The following TNFRSF1B variants were observed in gnomAD, a reference collection of about 807,000 sequenced individuals.
TNFRSF1B encodes the protein tumor necrosis factor receptor superfamily member 1B.
TNFRSF1B carries 19 observed loss-of-function variants against 44.6 expected under a neutral mutation model. That is an observed-to-expected ratio of 0.43 (90% confidence interval 0.30 to 0.62). The LOEUF is 0.62. TNFRSF1B is among the 20% of genes least tolerant of loss of function. The pLI, the probability that TNFRSF1B is intolerant of heterozygous loss-of-function variation, is 0.16. For synonymous variants in TNFRSF1B, 252 were observed against 261.1 expected (o/e 0.97, Z 0.34); for missense variants, 541 against 619.9 (o/e 0.87, Z 1.35).
At chr1:12,175,575 A>G (rs1638637159) in intron 1 of TNFRSF1B, among the ~76,000 whole-genome samples, 1 of 152,006 alleles carries the variant, frequency 6.6e-6, no homozygotes, top group Middle Eastern at 3.2e-3. Flanking sequence ...CAGAGGCCCC[A>G]GGCTCCTGTG....
chr1:12,188,447 G>A (rs1328164883), intron 1 of TNFRSF1B, among the ~76,000 whole-genome samples: 1 of 152,124 alleles, frequency 6.6e-6, no homozygotes, highest in Non-Finnish European at 1.5e-5. Context: ...CTCAGCAGAG[G>A]GCAGCTTTGT....
At position 12,186,365 on chromosome 1, in the gene TNFRSF1B, G is replaced by A. The variant is rs994563768; in HGVS notation, c.79-2431G>A. Among the ~76,000 whole-genome samples the A allele has an allele frequency of 1.3e-5, 2 of 152,244 alleles. No individual in the cohort carries two copies. Among genetic ancestry groups the A allele is most frequent in the African/African-American group, 2.4e-5 (1 of 41,466 alleles). On this transcript the variant is annotated intron_variant, in intron 1 of 9. Coordinates refer to ENST00000376259, the MANE Select transcript of TNFRSF1B (RefSeq NM_001066.3). The surrounding 1 kb of genome is among the most constrained non-coding windows in gnomAD (Gnocchi z 4.8). ...GAGGCACACTGAACCCACCTGCTAC[G>A]TTGGCTGGTGGAAATTTGGCCAGGT...
chr1:12,206,676 A>AG, intron 9 of TNFRSF1B, 64 bp from the exon 10 acceptor site: 8 of 1,476,670 alleles, frequency 5.4e-6, no homozygotes, highest in Non-Finnish European at 7.3e-6. Context: ...CATCTTGGGC[A>AG]GGGGTCCCTG....
At chr1:12,176,506 T>C (rs1354682898) in intron 1 of TNFRSF1B, among the ~76,000 whole-genome samples, 1 of 152,198 alleles carries the variant, frequency 6.6e-6, no homozygotes, top group African/African-American at 2.4e-5. Flanking sequence ...ATGAAAAGAC[T>C]GAGGTCTATG....
At chr1:12,175,131 G>A (rs867093453) in intron 1 of TNFRSF1B, among the ~76,000 whole-genome samples, 4 of 152,172 alleles carry the variant, frequency 2.6e-5, no homozygotes, top group African/African-American at 4.8e-5. Context: ...GACATCTTCC[G>A]AGCTGTCAGC....
chr1:12,167,545 G>A, intron 1 of TNFRSF1B: 1 of 381,126 alleles, frequency 2.6e-6, no homozygotes, highest in Non-Finnish European at 5.1e-6. Flanking sequence ...TGCCGCGACA[G>A]CCCTTCCCTC....
chr1:12,206,504 G>A (rs549478817), intron 9 of TNFRSF1B, among the ~76,000 whole-genome samples: 2 of 152,286 alleles, frequency 1.3e-5, no homozygotes, highest in East Asian at 3.9e-4. Context: ...CCATCTCTGG[G>A]GTGATTGGGG....
intron 1 of TNFRSF1B, among the ~76,000 whole-genome samples, chr1:12,174,342 G>T (rs2101079805): frequency 6.6e-6 from 1 of 152,002 alleles, no homozygotes; most frequent in Middle Eastern, 3.4e-3. Context: ...CTGCCTCCCA[G>T]GTTCAAGCTA....
rs536031398 is a variant in TNFRSF1B, at chr1:12,169,447, G to A, written c.78+2278G>A. On this transcript the variant is annotated intron_variant, in intron 1 of 9. Coordinates refer to ENST00000376259, the MANE Select transcript of TNFRSF1B (RefSeq NM_001066.3). The surrounding 1 kb of genome is among the most constrained non-coding windows in gnomAD (Gnocchi z 4.5). ...ATGTGGAAACTGAGGCGTTTCCCAG[G>A]ATCACAGAGCTGGGGGCCGGGGAGC... Among the ~76,000 whole-genome samples the A allele has an allele frequency of 1.6e-4, 25 of 152,296 alleles. No homozygotes were observed. The highest frequency in any genetic ancestry group is 6.5e-4 in the Admixed American group (10 of 15,306).
Position 12,171,619 on chromosome 1 carries a change from C to T in TNFRSF1B, c.78+4450C>T, listed in dbSNP as rs543123013. On this transcript the variant is annotated intron_variant, in intron 1 of 9. Transcript: ENST00000376259. This position sits in a 1 kb window ranked among gnomAD's most constrained non-coding sequence, Gnocchi z 4.5. ...TACCGTGAGGACAGGGACTCATTCA[C>T]CACTGTAGACTCTAGCCTAGAAGAG... Among the ~76,000 whole-genome samples the T allele has an allele frequency of 2.0e-5, 3 of 152,330 alleles. No individual in the cohort carries two copies. In the East Asian group the frequency reaches 5.8e-4, roughly 29 times the overall value.
In TNFRSF1B at chr1:12,206,011, G is replaced by T. The variant is rs576391410; in HGVS notation, c.1106-729G>T. The stretch of plus-strand genomic sequence containing the variant: ...GAGAAAGATGGGTCCGAGGCTCTGG[G>T]CCCAAGCAGCTGGGTGGATGGCAGC... On this transcript the variant is annotated intron_variant, in intron 9 of 9. Coordinates refer to ENST00000376259, the MANE Select transcript of TNFRSF1B (RefSeq NM_001066.3). 3.3e-5 allele frequency among the ~76,000 whole-genome samples: 5 copies of T among 152,262 alleles called. No individual in the cohort carries two copies. The South Asian group carries it at 1.0e-3, about 32-fold the overall frequency.
rs1263065698 is a variant in TNFRSF1B, at chr1:12,207,852, G to A, written c.*832G>A. 1.3e-5 allele frequency: 2 copies of A among 152,184 alleles called. No individual in the cohort carries two copies. The highest frequency in any genetic ancestry group is 2.9e-5 in the Non-Finnish European group (2 of 68,074). 9.4% of individuals were successfully genotyped at this position (152,184 alleles called of 1,614,324 possible). A position where few individuals can be genotyped will look rare whatever the true frequency, so the allele number is the denominator to read the frequency against. On this transcript the variant is annotated 3_prime_UTR_variant, in exon 10 of 10. Transcript: ENST00000376259. ...TTGAACCCGGGAAGCGGAGGTTGCA[G>A]GGAGCCGAGATCACGCCACTGCACT...
At chr1:12,189,776 G>A (rs986579952) in intron 2 of TNFRSF1B, among the ~76,000 whole-genome samples, 1 of 152,222 alleles carries the variant, frequency 6.6e-6, no homozygotes, top group Admixed American at 6.5e-5. Context: ...GACAGAACGG[G>A]ACATACTGTT....
At chr1:12,172,696 G>GC (rs1430886074) in intron 1 of TNFRSF1B, among the ~76,000 whole-genome samples, 1 of 152,220 alleles carries the variant, frequency 6.6e-6, no homozygotes, top group Non-Finnish European at 1.5e-5. Context: ...CTGCCCCAGT[G>GC]CCCCCTGGCT....
rs1639183799 is a variant in TNFRSF1B, at chr1:12,193,009, C to A, written c.698C>A (p.Pro233His). The change falls in exon 6 of 10, where the codon CCC (proline) becomes CAC (histidine). Residue 233 changes from proline (P) to histidine (H), a missense_variant. By Grantham distance (77) the Pro-to-His change is moderately conservative. Coordinates refer to ENST00000376259, the MANE Select transcript of TNFRSF1B (RefSeq NM_001066.3). ...RSQHTQPTPE[P>H]STAPSTSFLL... The stretch of plus-strand genomic sequence containing the variant: ...CAACACACGCAGCCAACTCCAGAAC[C>A]CAGCACTGCTCCAAGCACCTCCTTC... The A allele has an allele frequency of 6.2e-7, 1 of 1,614,130 alleles. No individual in the cohort carries two copies. The highest frequency in any genetic ancestry group is 1.3e-5 in the African/African-American group (1 of 74,946).
At chr1:12,181,911 G>C (rs753363121) in intron 1 of TNFRSF1B, among the ~76,000 whole-genome samples, 2 of 152,170 alleles carry the variant, frequency 1.3e-5, no homozygotes, top group Non-Finnish European at 2.9e-5. Context: ...CTGAGCCTTC[G>C]ACACCCATCC....
Position 12,180,635 on chromosome 1 carries a change from C to T in TNFRSF1B, c.79-8161C>T, listed in dbSNP as rs17880448. On this transcript the variant is annotated intron_variant, in intron 1 of 9. Transcript: ENST00000376259. The surrounding 1 kb of genome is among the most constrained non-coding windows in gnomAD (Gnocchi z 4.3). ...TAGTCTTGAGCGAATCTTATACCTG[C>T]AGCCCTGTCCACCAGCTGTGCTTCC... 5.0e-3 allele frequency among the ~76,000 whole-genome samples: 766 copies of T among 152,344 alleles called. 9 individuals carry two copies. The highest frequency in any genetic ancestry group is 0.017 in the African/African-American group (719 of 41,578).
At position 12,170,774 on chromosome 1, in the gene TNFRSF1B, C is replaced by T. The variant is rs1018245309; in HGVS notation, c.78+3605C>T. 3.3e-5 allele frequency among the ~76,000 whole-genome samples: 5 copies of T among 151,970 alleles called. No individual in the cohort carries two copies. In the South Asian group the frequency reaches 8.3e-4, roughly 25 times the overall value. On this transcript the variant is annotated intron_variant, in intron 1 of 9. Transcript: ENST00000376259. ...ATCTGCCTCTTGGGTTCAAACGATT[C>T]TCCTGCCTCAGCCTCCAGAGTAGCT... is the stretch of plus-strand genomic sequence containing the variant.
At position 12,187,823 on chromosome 1, in the gene TNFRSF1B, G is replaced by A. The variant is rs926106364; in HGVS notation, c.79-973G>A. 6.6e-6 allele frequency among the ~76,000 whole-genome samples: 1 copy of A among 152,184 alleles called. No individual in the cohort carries two copies. Among genetic ancestry groups the A allele is most frequent in the Non-Finnish European group, 1.5e-5 (1 of 68,018 alleles). Reference sequence around the variant, plus strand: ...CAGGTCAGGGGAGGGGGCTTAGCAGGGACGTTGTTCACCAGCTTCAGCCCA... The same window carrying A: ...CAGGTCAGGGGAGGGGGCTTAGCAGAGACGTTGTTCACCAGCTTCAGCCCA... On this transcript the variant is annotated intron_variant, in intron 1 of 9. Coordinates refer to ENST00000376259, the MANE Select transcript of TNFRSF1B (RefSeq NM_001066.3). This position sits in a 1 kb window ranked among gnomAD's most constrained non-coding sequence, Gnocchi z 5.5.
Sources: gnomAD v4.1 joint callset for allele counts (sites outside exome capture counted in the v4.1 genomes callset) on GRCh38, gnomAD v4.1.1 for gene constraint, Gnocchi (gnomAD v3.1) non-coding constraint, MANE v1.5 for transcripts, NCBI Gene and HGNC (gene_info 2026-07-23, HGNC 2026-07-21) for gene names.